Variants in TENM4 observed in about 807,000 individuals in gnomAD.
The protein encoded by TENM4 is teneurin-4.
A neutral mutation model predicts 243.3 loss-of-function variants in TENM4; 82 were observed. The observed-to-expected ratio is 0.34, with a 90% CI of 0.28 to 0.40. The LOEUF (loss-of-function observed/expected upper bound fraction) is 0.40, where lower values mean the gene tolerates loss of function less well. TENM4 is among the 10% of genes least tolerant of loss of function. The probability of loss-of-function intolerance (pLI) is 1.00; values close to 1 mark genes in which losing one functional copy is unlikely to be tolerated. For synonymous variants in TENM4, 1,412 were observed against 1,456.3 expected (o/e 0.97, Z 0.69); for missense variants, 3,138 against 3,673.3 (o/e 0.85, Z 3.77).
chr11:78,694,858 G>A (rs897747307), intron 28 of TENM4, among the ~76,000 whole-genome samples: 2 of 152,136 alleles, frequency 1.3e-5, no homozygotes, highest in Non-Finnish European at 2.9e-5. Context: ...ATCTCTAACA[G>A]TGGCTGCGTG....
rs140547114 is a variant in TENM4 at position 79,199,742 on chromosome 11, T to A, written c.-163+16066A>T. Among the ~76,000 whole-genome samples the A allele has an allele frequency of 4.5e-3, 682 of 152,240 alleles. 2 individuals carry two copies. The highest frequency in any genetic ancestry group is 6.1e-3 in the Non-Finnish European group (418 of 68,006). On this transcript the variant is annotated intron_variant, in intron 3 of 33. Transcript: ENST00000278550. ...TGTAATCTCTATTGATTTCCACCCA[T>A]CTCTAAAATTTTTCAGGAACATGTC... is the stretch of plus-strand genomic sequence containing the variant.
intron 6 of TENM4, among the ~76,000 whole-genome samples, chr11:78,983,866 C>T (rs1347796620): frequency 6.6e-6 from 1 of 152,248 alleles, no homozygotes; most frequent in Non-Finnish European, 1.5e-5. Context: ...CTCTGGGTCT[C>T]ACTTTCTTTG....
At chr11:79,437,135 T>C (rs1029334086) in intron 1 of TENM4, among the ~76,000 whole-genome samples, 1 of 152,178 alleles carries the variant, frequency 6.6e-6, no homozygotes, top group African/African-American at 2.4e-5. Context: ...GTCAACACCC[T>C]CACCGGAGAA....
At chr11:79,028,762 G>T (rs1055986295) in intron 6 of TENM4, among the ~76,000 whole-genome samples, 2 of 152,212 alleles carry the variant, frequency 1.3e-5, no homozygotes, top group Non-Finnish European at 2.9e-5. Flanking sequence ...AATAGCAGAA[G>T]GGTAGGTATT....
intron 6 of TENM4, chr11:79,021,745 G>C (rs1201666202): frequency 6.6e-6 from 1 of 152,242 alleles, no homozygotes; most frequent in Non-Finnish European, 1.5e-5. Flanking sequence ...GTGATCACAT[G>C]ATGATGTGGG....
chr11:78,847,638 G>C (rs553432189), intron 12 of TENM4, among the ~76,000 whole-genome samples: 1 of 152,328 alleles, frequency 6.6e-6, no homozygotes, highest in East Asian at 1.9e-4. Flanking sequence ...TTCCAAAGAA[G>C]TGTTTCCATT....
intron 1 of TENM4, among the ~76,000 whole-genome samples, chr11:79,299,712 G>T (rs559181208): frequency 2.0e-5 from 3 of 152,182 alleles, no homozygotes; most frequent in African/African-American, 4.8e-5. Flanking sequence ...CATTGCCACC[G>T]CAAATGAGTA....
chr11:79,080,065 C>T (rs116127615), intron 4 of TENM4, among the ~76,000 whole-genome samples: 429 of 152,310 alleles, frequency 2.8e-3, no homozygotes, highest in African/African-American at 1.0e-2. Flanking sequence ...GGAAATAAGC[C>T]TAATGCCTTT....
At chr11:79,165,742 T>G (rs190278589) in intron 3 of TENM4, among the ~76,000 whole-genome samples, 1 of 152,250 alleles carries the variant, frequency 6.6e-6, no homozygotes, top group Non-Finnish European at 1.5e-5. Context: ...GTTTTTCCAA[T>G]GTTATCTTCG....
At chr11:78,909,533 A>G (rs1334656301) in intron 6 of TENM4, among the ~76,000 whole-genome samples, 2 of 152,236 alleles carry the variant, frequency 1.3e-5, no homozygotes, top group Non-Finnish European at 2.9e-5. Context: ...GAGTGAATGC[A>G]GGTAAGGTGC....
intron 17 of TENM4, among the ~76,000 whole-genome samples, chr11:78,773,122 A>G (rs17137139): frequency 0.072 from 10,988 of 152,262 alleles, 1,351 homozygotes; most frequent in African/African-American, 0.25. Flanking sequence ...CTTGTTTTCA[A>G]TTAAGCCTGG....
chr11:79,383,004 G>A (rs1454152089), intron 1 of TENM4, among the ~76,000 whole-genome samples: 1 of 152,140 alleles, frequency 6.6e-6, no homozygotes, highest in Non-Finnish European at 1.5e-5. Flanking sequence ...TGCCCCTACA[G>A]ACCCTTCCCT....
At chr11:79,417,764 T>C (rs1309203420) in intron 1 of TENM4, among the ~76,000 whole-genome samples, 1 of 152,148 alleles carries the variant, frequency 6.6e-6, no homozygotes, top group Non-Finnish European at 1.5e-5. Context: ...TGAGGTCGCC[T>C]CATCCCACTC....
chr11:79,307,545 C>T (rs1253927025), intron 1 of TENM4, among the ~76,000 whole-genome samples: 1 of 152,168 alleles, frequency 6.6e-6, no homozygotes, highest in Admixed American at 6.5e-5. Flanking sequence ...CATCTCTCAA[C>T]TGAGCTTCCA....
At chr11:78,794,464 G>A (rs1266957083) in intron 15 of TENM4, among the ~76,000 whole-genome samples, 1 of 152,204 alleles carries the variant, frequency 6.6e-6, no homozygotes, top group Non-Finnish European at 1.5e-5. Flanking sequence ...GTGAATAGAT[G>A]TGAACATTTG....
intron 6 of TENM4, among the ~76,000 whole-genome samples, chr11:78,920,845 C>T (rs771196598): frequency 3.3e-5 from 5 of 152,196 alleles, no homozygotes; most frequent in East Asian, 1.9e-4. Context: ...TTTCATGACC[C>T]TTCCTTGTGT....
chr11:78,919,492 A>G (rs1308955246), intron 6 of TENM4, among the ~76,000 whole-genome samples: 1 of 152,174 alleles, frequency 6.6e-6, no homozygotes, highest in Non-Finnish European at 1.5e-5. Context: ...TGGTCAGGCC[A>G]ATCAGAGGCA....
intron 32 of TENM4, among the ~76,000 whole-genome samples, chr11:78,668,192 C>CT (rs5792812): frequency 2.6e-5 from 4 of 152,020 alleles, no homozygotes; most frequent in African/African-American, 4.8e-5. Flanking sequence ...GTTCCTTATT[C>CT]TTTTTTTTCC....
intron 4 of TENM4, among the ~76,000 whole-genome samples, chr11:79,124,885 A>ATGTGTGTG (rs1362992313): frequency 1.7e-5 from 1 of 60,338 alleles, no homozygotes; most frequent in African/African-American, 5.2e-5. Context: ...GTATATATGT[A>ATGTGTGTG]TATGTATATG....
Sources: allele counts gnomAD v4.1 joint callset (sites outside exome capture counted in the v4.1 genomes callset), GRCh38; gene constraint gnomAD v4.1.1; transcripts MANE v1.5; gene names NCBI Gene and HGNC (gene_info 2026-07-23, HGNC 2026-07-21).